Variants in SPAG9 observed in about 807,000 individuals in gnomAD.
SPAG9 encodes sperm associated antigen 9.
Under a neutral mutation model 166.5 loss-of-function variants are expected in SPAG9, and 35 were observed. The observed-to-expected ratio is 0.21, with a 90% CI of 0.16 to 0.28. The LOEUF (loss-of-function observed/expected upper bound fraction) is 0.28. Among genes scored for constraint, SPAG9 ranks in the 10% least tolerant of loss-of-function variants. SPAG9 has a pLI of 1.00. For missense variants in SPAG9, 1,235 were observed against 1,603.3 expected (o/e 0.77, Z 3.92); for synonymous variants, 534 against 565.5 (o/e 0.94, Z 0.79).
intron 2 of SPAG9, among the ~76,000 whole-genome samples, chr17:51,076,534 G>A (rs966083966): frequency 2.6e-5 from 4 of 151,716 alleles, no homozygotes; most frequent in African/African-American, 7.3e-5. Flanking sequence ...TTGGGAGTTC[G>A]AGACAAGCCT....
Position 51,068,410 on chromosome 17 carries a change from C to T in SPAG9, c.424+11174G>A, listed in dbSNP as rs566430206. Among the ~76,000 whole-genome samples the T allele has an allele frequency of 4.6e-5, 7 of 152,290 alleles. No homozygotes were observed. In the East Asian group the frequency reaches 1.3e-3, roughly 29 times the overall value. On this transcript the variant is annotated intron_variant, in intron 2 of 29. Transcript: ENST00000262013. ...TGAATCAATGATCATATTCTCAAAACAGAGTAGGATAACTTCAAAGAATCC... is the reference window on the plus strand; with the variant it reads ...TGAATCAATGATCATATTCTCAAAATAGAGTAGGATAACTTCAAAGAATCC...
rs182888287 is a variant in SPAG9, at chr17:51,101,233, C to A, written c.303+19121G>T. Among the ~76,000 whole-genome samples the A allele has an allele frequency of 3.1e-3, 474 of 150,808 alleles. 2 individuals carry two copies. Among genetic ancestry groups the A allele is most frequent in the South Asian group, 0.011 (53 of 4,776 alleles). ...TGGTGGCGCACACCTGTAGTCCCAG[C>A]TACTTGGGAGGCTGAGGCAGGAGAA... On this transcript the variant is annotated intron_variant, in intron 1 of 29. Coordinates refer to ENST00000262013, the MANE Select transcript of SPAG9 (RefSeq NM_001130528.3).
At chr17:51,035,742 T>C (rs1013014368) in intron 5 of SPAG9, among the ~76,000 whole-genome samples, 1 of 152,248 alleles carries the variant, frequency 6.6e-6, no homozygotes, top group African/African-American at 2.4e-5. Flanking sequence ...TCTCTAAAAT[T>C]TTCACAAGTA....
At chr17:50,984,409 G>A (rs180752901) in intron 24 of SPAG9, among the ~76,000 whole-genome samples, 57 of 152,218 alleles carry the variant, frequency 3.7e-4, no homozygotes, top group East Asian at 1.4e-3. Context: ...AGTACCAGCC[G>A]GGCACGGTGG....
intron 24 of SPAG9, among the ~76,000 whole-genome samples, chr17:50,983,103 A>G (rs1278965360): frequency 6.6e-6 from 1 of 152,234 alleles, no homozygotes; most frequent in East Asian, 1.9e-4. Context: ...TATGCATACT[A>G]TATTTTCAGT....
At chr17:51,068,707 T>C (rs1195035277) in intron 2 of SPAG9, among the ~76,000 whole-genome samples, 3 of 152,212 alleles carry the variant, frequency 2.0e-5, no homozygotes, top group Admixed American at 6.5e-5. Context: ...CTTTATATGT[T>C]TGAAAGAATA....
chr17:51,006,077 A>C lies in SPAG9; in HGVS notation c.1424+8T>G. 6.2e-7 allele frequency: 1 copy of C among 1,613,998 alleles called. No homozygotes were observed. The highest frequency in any genetic ancestry group is 8.5e-7 in the Non-Finnish European group (1 of 1,179,904). On this transcript the variant is annotated splice_region_variant and intron_variant, in intron 11 of 29. Transcript: ENST00000262013. ...AGTTTGGTTTAGAACAACACAGTTA[A>C]AACTTACTTCCTAAGCTCTTCCTCC...
At chr17:50,986,622 C>T (rs996408145) in intron 22 of SPAG9, among the ~76,000 whole-genome samples, 12 of 152,122 alleles carry the variant, frequency 7.9e-5, no homozygotes, top group African/African-American at 2.7e-4. Flanking sequence ...TCCACACAAC[C>T]GGAAAGTGAA....
At chr17:50,974,665 T>C in intron 28 of SPAG9, 106 bp downstream of exon 28, 1 of 937,492 alleles carries the variant, frequency 1.1e-6, no homozygotes, top group Non-Finnish European at 1.5e-6. Context: ...ATATTGAAAT[T>C]ACCTGCAATT....
rs575999749 is a variant in SPAG9 at position 50,967,497 on chromosome 17, G to C, written c.3851-1110C>G. ...CACAGCAATATCAAACTAGAGAGAG[G>C]AGAACACTCAGTTCAAACTCCCATC... On this transcript the variant is annotated intron_variant, in intron 29 of 29. Transcript: ENST00000262013. Among the ~76,000 whole-genome samples the C allele has an allele frequency of 5.3e-5, 8 of 152,272 alleles. No homozygotes were observed. The East Asian group carries it at 1.5e-3, about 29-fold the overall frequency.
intron 1 of SPAG9, among the ~76,000 whole-genome samples, chr17:51,089,657 TATATATAC>T (rs1237482205): frequency 0.013 from 1,316 of 104,966 alleles, 30 homozygotes; most frequent in African/African-American, 0.016. Flanking sequence ...TATATATATA[TATATATAC>T]ACATACACAC....
At chr17:51,012,114 T>C (rs1472244397) in intron 9 of SPAG9, among the ~76,000 whole-genome samples, 4 of 152,216 alleles carry the variant, frequency 2.6e-5, no homozygotes, top group African/African-American at 9.6e-5. Flanking sequence ...GCACTGAATA[T>C]ACATTTTAAA....
intron 6 of SPAG9, among the ~76,000 whole-genome samples, chr17:51,027,508 A>G (rs988042069): frequency 2.6e-4 from 39 of 152,184 alleles, no homozygotes; most frequent in Non-Finnish European, 4.6e-4. Flanking sequence ...CACTCATAAG[A>G]TAATACGATC....
At chr17:51,104,458 GA>G (rs2048886050) in intron 1 of SPAG9, among the ~76,000 whole-genome samples, 1 of 152,148 alleles carries the variant, frequency 6.6e-6, no homozygotes, top group South Asian at 2.1e-4. Context: ...CCAACATGAA[GA>G]AACACCATCT....
chr17:51,086,764 A>T (rs1054893405), intron 1 of SPAG9, among the ~76,000 whole-genome samples: 4 of 152,020 alleles, frequency 2.6e-5, no homozygotes, highest in African/African-American at 9.7e-5. Context: ...TCTACTAAAA[A>T]CACAAAAGTT....
chr17:51,049,897 C>T (rs2047135510), intron 3 of SPAG9, among the ~76,000 whole-genome samples: 1 of 152,268 alleles, frequency 6.6e-6, no homozygotes, highest in Non-Finnish European at 1.5e-5. Flanking sequence ...GGCGCCCAGC[C>T]GTGAATTCTT....
chr17:51,010,416 G>A (rs1221381965), intron 9 of SPAG9, among the ~76,000 whole-genome samples: 1 of 151,866 alleles, frequency 6.6e-6, no homozygotes, highest in Non-Finnish European at 1.5e-5. Flanking sequence ...GTCTGTCCAG[G>A]GAGACAGATA....
intron 1 of SPAG9, among the ~76,000 whole-genome samples, chr17:51,095,227 T>C (rs978480173): frequency 2.1e-5 from 3 of 140,962 alleles, no homozygotes; most frequent in Non-Finnish European, 4.5e-5. Context: ...ACCCAGGAGA[T>C]GGAGCTTGCA....
intron 2 of SPAG9, among the ~76,000 whole-genome samples, chr17:51,070,454 C>T (rs1329143599): frequency 6.6e-6 from 1 of 152,108 alleles, no homozygotes; most frequent in Non-Finnish European, 1.5e-5. Context: ...GACCTACTTC[C>T]TTAAATATAT....
Sources: gnomAD v4.1 joint callset for allele counts (sites outside exome capture counted in the v4.1 genomes callset) on GRCh38, gnomAD v4.1.1 for gene constraint, MANE v1.5 for transcripts, NCBI Gene and HGNC (gene_info 2026-07-23, HGNC 2026-07-21) for gene names.